Variants in TRAPPC9 observed in about 807,000 individuals in gnomAD.
The protein encoded by TRAPPC9 is trafficking protein particle complex subunit 9, also known as IKK2 binding protein.
A neutral mutation model predicts 124.0 loss-of-function variants in TRAPPC9; 83 were observed. The observed-to-expected ratio is 0.67, with a 90% CI of 0.56 to 0.80. The LOEUF (loss-of-function observed/expected upper bound fraction) is 0.80. Among genes scored for constraint, TRAPPC9 ranks in the 30% least tolerant of loss-of-function variants. The pLI is 0.00. For synonymous variants in TRAPPC9, 638 were observed against 617.5 expected, an observed-to-expected ratio of 1.03 and a Z score of -0.49; for missense variants, 1,302 against 1,508.3, an observed-to-expected ratio of 0.86 and a Z score of 2.27.
rs554220482 is a variant in TRAPPC9 at position 139,752,306 on chromosome 8, T to C, written c.3056-20104A>G. Among the ~76,000 whole-genome samples, 4 of 147,180 alleles carry C rather than the reference T, an allele frequency of 2.7e-5. No homozygotes were observed. The South Asian group carries it at 6.7e-4, about 25-fold the overall frequency. ...CATCCATCAACCCATCTACCATCCA[T>C]CCATCCACCCATCTACCACCCATCC... On this transcript the variant is annotated intron_variant, in intron 21 of 22. Coordinates refer to ENST00000438773, the MANE Select transcript of TRAPPC9 (RefSeq NM_001160372.4).
intron 18 of TRAPPC9, among the ~76,000 whole-genome samples, chr8:140,018,576 C>A (rs1839632666): frequency 6.6e-6 from 1 of 152,052 alleles, no homozygotes; most frequent in African/African-American, 2.4e-5. Context: ...ATCCACCCAC[C>A]TCAGCCTCCC....
At chr8:140,300,448 A>G (rs771906748) in intron 11 of TRAPPC9, 21 bp downstream of exon 11, 1 of 1,614,044 alleles carries the variant, frequency 6.2e-7, no homozygotes, top group Admixed American at 1.7e-5. Context: ...CACGGTGGGA[A>G]AGCCAGGATC....
chr8:140,283,572 A>AGG (rs2065393003), intron 14 of TRAPPC9, among the ~76,000 whole-genome samples: 3 of 151,846 alleles, frequency 2.0e-5, no homozygotes, highest in African/African-American at 4.8e-5. Flanking sequence ...CTGGGATTAC[A>AGG]CATGTGAGCC....
At chr8:140,290,278 C>T (rs13282061) in intron 12 of TRAPPC9, among the ~76,000 whole-genome samples, 5,845 of 152,308 alleles carry the variant, frequency 0.038, 155 homozygotes, top group Non-Finnish European at 0.06. Flanking sequence ...AGACAACATC[C>T]ATTCTCGCAG....
At chr8:140,129,448 G>C (rs537358550) in intron 17 of TRAPPC9, among the ~76,000 whole-genome samples, 6 of 152,164 alleles carry the variant, frequency 3.9e-5, no homozygotes, top group African/African-American at 1.4e-4. Context: ...GAGAAGAAGC[G>C]ATCCCAGGGA....
At chr8:139,768,160 T>G (rs1820708378) in intron 21 of TRAPPC9, among the ~76,000 whole-genome samples, 1 of 152,238 alleles carries the variant, frequency 6.6e-6, no homozygotes, top group Non-Finnish European at 1.5e-5. Context: ...TATGTAGCCA[T>G]TAAAAATCAT....
At chr8:140,040,302 T>A (rs1469917043) in intron 17 of TRAPPC9, 3 of 152,382 alleles carry the variant, frequency 2.0e-5, no homozygotes, top group East Asian at 3.9e-4. Flanking sequence ...AAGTGAAGTG[T>A]GATGGCCTTG....
intron 9 of TRAPPC9, among the ~76,000 whole-genome samples, chr8:140,344,252 C>G (rs1025307195): frequency 3.3e-5 from 5 of 152,188 alleles, no homozygotes; most frequent in African/African-American, 1.2e-4. Context: ...GAACTTCCAG[C>G]CCCCCGAGCT....
intron 19 of TRAPPC9, among the ~76,000 whole-genome samples, chr8:139,964,224 C>CA (rs1008397834): frequency 0.23 from 15,608 of 67,624 alleles, 2,436 homozygotes; most frequent in African/African-American, 0.42. Flanking sequence ...GACTCTGTCT[C>CA]AAAAAAAAAA....
At chr8:140,014,343 G>A (rs1839328708) in intron 18 of TRAPPC9, among the ~76,000 whole-genome samples, 1 of 152,014 alleles carries the variant, frequency 6.6e-6, no homozygotes, top group African/African-American at 2.4e-5. Context: ...AGGTTACCAG[G>A]CAGCTCTGTG....
intron 21 of TRAPPC9, among the ~76,000 whole-genome samples, chr8:139,827,494 G>A (rs1157698232): frequency 6.6e-6 from 1 of 152,248 alleles, no homozygotes; most frequent in African/African-American, 2.4e-5. Flanking sequence ...ACGGGGCTAA[G>A]GGAGATGGCC....
chr8:140,412,209 C>G (rs1588305681), intron 5 of TRAPPC9, among the ~76,000 whole-genome samples: 1 of 152,324 alleles, frequency 6.6e-6, no homozygotes, highest in African/African-American at 2.4e-5. Context: ...GATCACTTGA[C>G]CCCTCCTTCT....
intron 15 of TRAPPC9, among the ~76,000 whole-genome samples, chr8:140,259,666 C>T (rs1178492732): frequency 6.6e-6 from 1 of 152,216 alleles, no homozygotes; most frequent in African/African-American, 2.4e-5. Context: ...CTCCTCAAGC[C>T]CCAGTTTCCT....
At chr8:140,151,756 C>T (rs2061546904) in intron 17 of TRAPPC9, among the ~76,000 whole-genome samples, 1 of 152,148 alleles carries the variant, frequency 6.6e-6, no homozygotes, top group Non-Finnish European at 1.5e-5. Context: ...CCAGAAGGTC[C>T]GTCATCAGCT....
chr8:139,864,738 G>A (rs1383195316), intron 21 of TRAPPC9, among the ~76,000 whole-genome samples: 3 of 152,190 alleles, frequency 2.0e-5, no homozygotes, highest in African/African-American at 7.2e-5. Context: ...CCCTTCCCAG[G>A]GTCATTGTCC....
chr8:140,447,073 G>A (rs146374696), intron 2 of TRAPPC9, among the ~76,000 whole-genome samples: 11 of 152,260 alleles, frequency 7.2e-5, no homozygotes, highest in South Asian at 6.2e-4. Flanking sequence ...CAAGCATGGC[G>A]CTGCAGCCTG....
At chr8:140,444,875 A>AAAAAAAAAAAAG (rs2071184701) in intron 2 of TRAPPC9, among the ~76,000 whole-genome samples, 1 of 151,298 alleles carries the variant, frequency 6.6e-6, no homozygotes, top group African/African-American at 2.4e-5. Flanking sequence ...AGGAAAAAAA[A>AAAAAAAAAAAAG]AAAAAACAGG....
chr8:140,366,681 G>C (rs925125105), intron 8 of TRAPPC9, among the ~76,000 whole-genome samples: 2 of 152,142 alleles, frequency 1.3e-5, no homozygotes, highest in African/African-American at 4.8e-5. Context: ...TATATCTTTA[G>C]ATAAAACACC....
intron 21 of TRAPPC9, among the ~76,000 whole-genome samples, chr8:139,816,684 T>A (rs113009003): frequency 6.6e-6 from 1 of 152,004 alleles, no homozygotes; most frequent in African/African-American, 2.4e-5. Context: ...AGAGGGTCAT[T>A]TCATTTTTAC....
Sources: allele counts gnomAD v4.1 joint callset (sites outside exome capture counted in the v4.1 genomes callset), GRCh38; gene constraint gnomAD v4.1.1; transcripts MANE v1.5; gene names NCBI Gene and HGNC (gene_info 2026-07-23, HGNC 2026-07-21).